Variants in MASP1 observed in about 807,000 individuals in gnomAD.
MASP1 encodes the protein mannan-binding lectin serine protease 1.
In MASP1, 59 loss-of-function variants were observed where a neutral mutation model predicts 77.1. That is an observed-to-expected ratio of 0.77 (90% CI 0.62 to 0.95). The LOEUF (loss-of-function observed/expected upper bound fraction) is 0.95, where lower values mean the gene tolerates loss of function less well. Ranked by LOEUF, MASP1 falls within the 40% of genes least tolerant of loss-of-function variation. The pLI is 0.00. For synonymous variants in MASP1, 362 were observed against 354.5 expected (o/e 1.02, Z -0.24); for missense variants, 885 against 912.9 (o/e 0.97, Z 0.39).
At chr3:187,243,643 C>T (rs1713842146) in intron 8 of MASP1, 22 bp from the exon 9 acceptor site, 2 of 1,613,924 alleles carry the variant, frequency 1.2e-6, no homozygotes, top group Non-Finnish European at 1.7e-6. Flanking sequence ...GAAGTGAGAC[C>T]CCTCAACTGC....
chr3:187,234,644 C>A lies in MASP1; in HGVS notation c.*1040G>T. 6 of 1,287,212 alleles carry A rather than the reference C, an allele frequency of 4.7e-6. No individual in the cohort carries two copies. The highest frequency in any genetic ancestry group is 6.1e-6 in the Non-Finnish European group (6 of 988,688). The allele number at this position is 1,287,212 out of a possible 1,614,324, so 79.7% of individuals were successfully genotyped here. A position where few individuals can be genotyped will look rare whatever the true frequency, so the allele number is the denominator to read the frequency against. On this transcript the variant is annotated 3_prime_UTR_variant, in exon 11 of 11. Coordinates refer to ENST00000296280, the MANE Select transcript of MASP1 (RefSeq NM_139125.4). ...CATCCTGCGGGGTGGATTCTCCGCC[C>A]AGCTCATGCCCCAGGGATGCCAGGC...
intron 10 of MASP1, among the ~76,000 whole-genome samples, chr3:187,239,027 A>G (rs143680572): frequency 3.0e-4 from 45 of 152,258 alleles, no homozygotes; most frequent in Non-Finnish European, 4.4e-4. Context: ...CTTTGTACAA[A>G]CATAGAGGAT....
At chr3:187,275,057 C>A (rs532706418) in intron 2 of MASP1, among the ~76,000 whole-genome samples, 1 of 152,236 alleles carries the variant, frequency 6.6e-6, no homozygotes, top group South Asian at 2.1e-4. Context: ...GGCTCAGACT[C>A]CCCCACCTCA....
rs1021814914 is a variant in MASP1 at position 187,291,455 on chromosome 3, C to T, written c.5+173G>A. 7 of 823,628 alleles carry T rather than the reference C, an allele frequency of 8.5e-6. No individual in the cohort carries two copies. The African/African-American group carries it at 1.2e-4, about 14-fold the overall frequency. 51.0% of individuals were successfully genotyped at this position (823,628 alleles called of 1,614,324 possible). ...ATGTCTCCTGGAGTCCTGGGGAAGG[C>T]ACCCAGCCCACCCACAGCTCCCTTC... On this transcript the variant is annotated intron_variant, in intron 1 of 10. Transcript: ENST00000296280.
At chr3:187,255,183 T>G (rs1348694354) in intron 5 of MASP1, among the ~76,000 whole-genome samples, 2 of 152,216 alleles carry the variant, frequency 1.3e-5, no homozygotes, top group Admixed American at 6.5e-5. Context: ...AGTTTCCTCC[T>G]GCTGGTAGCA....
At chr3:187,263,158 G>A (rs1048818748) in intron 2 of MASP1, 1 of 238,992 alleles carries the variant, frequency 4.2e-6, no homozygotes, top group African/African-American at 2.3e-5. Context: ...TGAGATGGAG[G>A]TGATGAGAGA....
rs1337774629 is a variant in MASP1 at position 187,234,107 on chromosome 3, T to G, written c.*1577A>C. On this transcript the variant is annotated 3_prime_UTR_variant, in exon 11 of 11. Coordinates refer to ENST00000296280, the MANE Select transcript of MASP1 (RefSeq NM_139125.4). ...TGTTGGTTATCCACGAGGGTTTATTTCCACTTGAGACCCCTGATGGGAGCA... is the reference window on the plus strand; with the variant it reads ...TGTTGGTTATCCACGAGGGTTTATTGCCACTTGAGACCCCTGATGGGAGCA... The G allele has an allele frequency of 7.8e-7, 1 of 1,279,496 alleles. No homozygotes were observed. Among genetic ancestry groups the G allele is most frequent in the East Asian group, 5.6e-5 (1 of 17,894 alleles). 79.3% of individuals were successfully genotyped at this position (1,279,496 alleles called of 1,614,324 possible). A position where few individuals can be genotyped will look rare whatever the true frequency, so the allele number is the denominator to read the frequency against.
Position 187,256,816 on chromosome 3 carries a change from T to G in MASP1, c.592A>C (p.Thr198Pro), listed in dbSNP as rs759340075. 6.2e-7 allele frequency: 1 copy of G among 1,613,984 alleles called. No homozygotes were observed. The change falls in exon 5 of 11, where the codon ACC becomes CCC. Residue 198 changes from threonine to proline, a missense_variant. Physicochemically the swap from Thr to Pro is conservative, Grantham distance 38 (BLOSUM62 -1). Coordinates refer to ENST00000296280, the MANE Select transcript of MASP1 (RefSeq NM_139125.4). The stretch of plus-strand genomic sequence containing the variant: ...TAAGGGTTTGGGAAGTCAGGGCTGG[T>G]GATCACCCCAGTCCTTTGAGTGAAG... ...NLFTQRTGVI[T>P]SPDFPNPYPK...
intron 8 of MASP1, 113 bp downstream of exon 8, chr3:187,250,138 T>C: frequency 1.2e-6 from 1 of 846,660 alleles, no homozygotes; most frequent in Non-Finnish European, 2.1e-6. Context: ...AAATTCCTGC[T>C]CCCATCCCCC....
chr3:187,265,124 A>AT (rs2097963859), intron 2 of MASP1, among the ~76,000 whole-genome samples: 1 of 152,192 alleles, frequency 6.6e-6, no homozygotes, highest in South Asian at 2.1e-4. Context: ...CATATATTAT[A>AT]TAAACCAACC....
chr3:187,234,943 T>C lies in MASP1; in HGVS notation c.*741A>G. Reference sequence around the variant, plus strand: ...ATATGGGCCCAAATGTGTTCTGAGTTGACAATGGGAATTTAAGGGCTTGGT... The same window carrying C: ...ATATGGGCCCAAATGTGTTCTGAGTCGACAATGGGAATTTAAGGGCTTGGT... On this transcript the variant is annotated 3_prime_UTR_variant, in exon 11 of 11. Transcript: ENST00000296280. 2.3e-6 allele frequency: 3 copies of C among 1,287,270 alleles called. No homozygotes were observed. The highest frequency in any genetic ancestry group is 1.2e-5 in the South Asian group (1 of 80,940). The allele number at this position is 1,287,270 out of a possible 1,614,324, so 79.7% of individuals were successfully genotyped here.
intron 4 of MASP1, among the ~76,000 whole-genome samples, chr3:187,260,035 T>C (rs1715427405): frequency 6.6e-6 from 1 of 152,218 alleles, no homozygotes; most frequent in Admixed American, 6.5e-5. Flanking sequence ...ACAGGTCTGA[T>C]TGTGCTATGT....
At chr3:187,217,582 G>A (rs893669528) in exon 16 of MASP1, 2 of 152,192 alleles carry the variant, frequency 1.3e-5, no homozygotes, top group Non-Finnish European at 2.9e-5. Context: ...GCAATTGGGG[G>A]TAGTGAGTTT....
chr3:187,257,900 C>T (rs1184857340), intron 4 of MASP1, among the ~76,000 whole-genome samples: 1 of 152,162 alleles, frequency 6.6e-6, no homozygotes, highest in Non-Finnish European at 1.5e-5. Context: ...AGGTTAGACA[C>T]TCCTTCTATA....
Position 187,276,056 on chromosome 3 carries a change from G to C in MASP1, c.237+9769C>G, listed in dbSNP as rs143308755. Among the ~76,000 whole-genome samples, 425 of 151,220 alleles carry C rather than the reference G, an allele frequency of 2.8e-3. 2 individuals carry two copies. The highest frequency in any genetic ancestry group is 0.011 in the South Asian group (50 of 4,750). ...TCCTTGCTATTCTTCAAACACACCA[G>C]GCACTTTCCACCTGAGGGCACTGAA... On this transcript the variant is annotated intron_variant, in intron 2 of 10. Coordinates refer to ENST00000296280, the MANE Select transcript of MASP1 (RefSeq NM_139125.4).
exon 16 of MASP1, chr3:187,217,974 T>C (rs1167419829): frequency 2.6e-5 from 4 of 152,250 alleles, no homozygotes; most frequent in African/African-American, 9.6e-5. Flanking sequence ...CCACTGGACA[T>C]GTGTTTTTGT....
In MASP1 at chr3:187,256,849, C is replaced by T. The variant is rs1268587651; in HGVS notation, c.559G>A (p.Asp187Asn). 1 of 1,613,842 alleles carries T rather than the reference C, an allele frequency of 6.2e-7. No homozygotes were observed. Among genetic ancestry groups the T allele is most frequent in the Admixed American group, 1.7e-5 (1 of 59,988 alleles). ...DNRTCRVECS[D>N]NLFTQRTGVI... ...CCAGTCCTTTGAGTGAAGAGGTTGT[C>T]ACTGCACTCCACTGTTGGAAACATA... The change falls in exon 5 of 11, where the codon GAC becomes AAC. Residue 187 changes from aspartate to asparagine, a missense_variant. Transcript: ENST00000296280.
chr3:187,278,564 C>A (rs148932376), intron 2 of MASP1, among the ~76,000 whole-genome samples: 2 of 152,300 alleles, frequency 1.3e-5, no homozygotes, highest in African/African-American at 4.8e-5. Context: ...CCAGCATTTC[C>A]AGCTGTATTC....
intron 2 of MASP1, among the ~76,000 whole-genome samples, chr3:187,274,688 T>C (rs1346579584): frequency 6.6e-6 from 1 of 152,094 alleles, no homozygotes; most frequent in Non-Finnish European, 1.5e-5. Context: ...GCAGGTATTG[T>C]GTACATGCAA....
Sources: allele counts gnomAD v4.1 joint callset (sites outside exome capture counted in the v4.1 genomes callset), GRCh38; gene constraint gnomAD v4.1.1; transcripts MANE v1.5; gene names NCBI Gene and HGNC (gene_info 2026-07-23, HGNC 2026-07-21).